Variants in NUP210 observed in about 807,000 individuals in gnomAD.
NUP210 encodes nuclear pore membrane glycoprotein 210.
In NUP210, 151 loss-of-function variants were observed where a neutral mutation model predicts 196.0. The observed-to-expected ratio is 0.77, with a 90% CI of 0.67 to 0.88. NUP210 has a LOEUF of 0.88. Among genes scored for constraint, NUP210 ranks in the 40% least tolerant of loss-of-function variants. The probability of loss-of-function intolerance (pLI) is 0.00; values close to 1 mark genes in which losing one functional copy is unlikely to be tolerated. For missense variants in NUP210, 2,314 were observed against 2,493.7 expected, an observed-to-expected ratio of 0.93 and a Z score of 1.53; for synonymous variants, 1,070 against 1,052.7, an observed-to-expected ratio of 1.02 and a Z score of -0.32.
intron 13 of NUP210, among the ~76,000 whole-genome samples, chr3:13,366,705 G>GTA (rs1698550594): frequency 6.6e-6 from 1 of 150,880 alleles, no homozygotes; most frequent in South Asian, 2.1e-4. Context: ...TTTTAGTAGA[G>GTA]ATGGGGTTTC....
intron 6 of NUP210, among the ~76,000 whole-genome samples, chr3:13,380,807 G>A (rs1699074814): frequency 6.6e-6 from 1 of 152,226 alleles, no homozygotes; most frequent in Admixed American, 6.5e-5. Context: ...CAGGGATTCT[G>A]ATGAGAATTC....
intron 1 of NUP210, among the ~76,000 whole-genome samples, chr3:13,403,089 T>C (rs532255498): frequency 6.6e-6 from 1 of 152,354 alleles, no homozygotes; most frequent in South Asian, 2.1e-4. Context: ...AAAGTCATAT[T>C]TTTAAGAAAA....
intron 3 of NUP210, among the ~76,000 whole-genome samples, chr3:13,392,463 C>G (rs570452198): frequency 3.3e-5 from 5 of 152,220 alleles, no homozygotes; most frequent in Non-Finnish European, 5.9e-5. Context: ...GGATTTTGAG[C>G]AAATGAAAAC....
At chr3:13,324,528 A>C (rs115349712) in intron 33 of NUP210, among the ~76,000 whole-genome samples, 2 of 152,082 alleles carry the variant, frequency 1.3e-5, no homozygotes, top group Non-Finnish European at 1.5e-5. Flanking sequence ...GACCAGTAGC[A>C]GCCTGGTCAT....
At position 13,335,577 on chromosome 3, in the gene NUP210, G is replaced by A; in HGVS notation, c.3720C>T (p.Ala1240=). Residue 1240 remains alanine (A), a synonymous_variant, in exon 28 of 40, where the codon GCC becomes GCT. Coordinates refer to ENST00000254508, the MANE Select transcript of NUP210 (RefSeq NM_024923.4). ...CTTTTACCCGGCCGAGCACGTTCATGGCAAAGTTGTACTGTGACGGGAGTC... is the reference window on the plus strand; with the variant it reads ...CTTTTACCCGGCCGAGCACGTTCATAGCAAAGTTGTACTGTGACGGGAGTC... ...SIRLPSQYNF[A]MNVLGRVKGR... 2.5e-6 allele frequency: 4 copies of A among 1,614,108 alleles called. No homozygotes were observed. Among genetic ancestry groups the A allele is most frequent in the Non-Finnish European group, 2.5e-6 (3 of 1,180,040 alleles).
chr3:13,406,941 G>A (rs1019641453), intron 1 of NUP210, among the ~76,000 whole-genome samples: 10 of 149,242 alleles, frequency 6.7e-5, no homozygotes, highest in Admixed American at 2.7e-4. Flanking sequence ...AGTAGCCCTC[G>A]GGGATGGGGA....
intron 20 of NUP210, among the ~76,000 whole-genome samples, chr3:13,344,657 C>T (rs1290449622): frequency 6.6e-6 from 1 of 152,240 alleles, no homozygotes; most frequent in Non-Finnish European, 1.5e-5. Context: ...TGAGAATGAG[C>T]TCAAAGCCTT....
chr3:13,348,504 G>GT lies in NUP210; in HGVS notation c.2835+3374dup. 1 of 985,420 alleles carries GT rather than the reference G, an allele frequency of 1.0e-6. No individual in the cohort carries two copies. Among genetic ancestry groups the GT allele is most frequent in the Non-Finnish European group, 1.2e-6 (1 of 829,922 alleles). The allele number at this position is 985,420 out of a possible 1,614,324, so 61.0% of individuals were successfully genotyped here. A position where few individuals can be genotyped will look rare whatever the true frequency, so the allele number is the denominator to read the frequency against. On this transcript the variant is annotated intron_variant, in intron 20 of 39. Transcript: ENST00000254508. The surrounding 1 kb of genome is among the most constrained non-coding windows in gnomAD (Gnocchi z 4.0). ...CTCCCCTCTTCTTGGTAATGGGGAA[G>GT]TTTTTATTAATTTCCAAAAATAAAC... is the stretch of plus-strand genomic sequence containing the variant.
intron 1 of NUP210, among the ~76,000 whole-genome samples, chr3:13,407,270 C>T (rs1342071652): frequency 2.0e-5 from 3 of 152,176 alleles, no homozygotes; most frequent in African/African-American, 7.2e-5. Flanking sequence ...AGGAGAAAAG[C>T]TGGGCGCAGT....
In NUP210 at chr3:13,340,400, T is replaced by C; in HGVS notation, c.3229-102A>G. On this transcript the variant is annotated intron_variant, in intron 23 of 39. Coordinates refer to ENST00000254508, the MANE Select transcript of NUP210 (RefSeq NM_024923.4). The surrounding 1 kb of genome is among the most constrained non-coding windows in gnomAD (Gnocchi z 4.0). ...TTTCATGAGAGGAAAACCTGGGACA[T>C]GGACATCACTTCTCTCTGAGCAGTG... 2 of 999,282 alleles carry C rather than the reference T, an allele frequency of 2.0e-6. No homozygotes were observed. Among genetic ancestry groups the C allele is most frequent in the Non-Finnish European group, 3.1e-6 (2 of 645,204 alleles). 61.9% of individuals were successfully genotyped at this position (999,282 alleles called of 1,614,324 possible). A position where few individuals can be genotyped will look rare whatever the true frequency, so the allele number is the denominator to read the frequency against.
intron 25 of NUP210, 80 bp downstream of exon 25, chr3:13,339,774 C>T (rs1048930486): frequency 2.3e-5 from 30 of 1,322,160 alleles, no homozygotes; most frequent in Non-Finnish European, 3.2e-5. Context: ...AGGGGTGGTC[C>T]TCAGAGGTAG....
At chr3:13,362,892 T>G (rs1354693055) in intron 14 of NUP210, among the ~76,000 whole-genome samples, 1 of 152,202 alleles carries the variant, frequency 6.6e-6, no homozygotes, top group Admixed American at 6.5e-5. Context: ...CTGCTGAGCC[T>G]GTCTGAAGCA....
At chr3:13,392,753 G>A (rs1052633669) in intron 3 of NUP210, among the ~76,000 whole-genome samples, 1 of 152,246 alleles carries the variant, frequency 6.6e-6, no homozygotes, top group African/African-American at 2.4e-5. Flanking sequence ...GGGTGCATAT[G>A]GAGTACTGCT....
chr3:13,365,680 G>A (rs1698506270), intron 14 of NUP210, among the ~76,000 whole-genome samples: 1 of 152,224 alleles, frequency 6.6e-6, no homozygotes, highest in Non-Finnish European at 1.5e-5. Context: ...TTCGTTGGGA[G>A]AGGCTGGCAG....
intron 14 of NUP210, among the ~76,000 whole-genome samples, chr3:13,364,914 A>T (rs951602725): frequency 6.6e-6 from 1 of 152,214 alleles, no homozygotes; most frequent in African/African-American, 2.4e-5. Context: ...GAGGAAGAAA[A>T]AAATGGGACA....
rs1697841540 is a variant in NUP210 at position 13,348,584 on chromosome 3, G to A, written c.2835+3295C>T. The A allele has an allele frequency of 1.0e-6, 1 of 985,228 alleles. No homozygotes were observed. The highest frequency in any genetic ancestry group is 1.2e-6 in the Non-Finnish European group (1 of 829,764). 61.0% of individuals were successfully genotyped at this position (985,228 alleles called of 1,614,324 possible). A position where few individuals can be genotyped will look rare whatever the true frequency, so the allele number is the denominator to read the frequency against. On this transcript the variant is annotated intron_variant, in intron 20 of 39. Transcript: ENST00000254508. This position sits in a 1 kb window ranked among gnomAD's most constrained non-coding sequence, Gnocchi z 4.0. Reference sequence around the variant, plus strand: ...TTAAGATGTAAGATTCTCTTCACTCGCATGGCTGGAGGAAGAGCTGGGGAA... The same window carrying A: ...TTAAGATGTAAGATTCTCTTCACTCACATGGCTGGAGGAAGAGCTGGGGAA...
rs1166672351 is a variant in NUP210 at position 13,321,973 on chromosome 3, C to T, written c.4916-138G>A. 4 of 1,298,966 alleles carry T rather than the reference C, an allele frequency of 3.1e-6. No individual in the cohort carries two copies. The Admixed American group carries it at 8.1e-5, about 26-fold the overall frequency. 80.5% of individuals were successfully genotyped at this position (1,298,966 alleles called of 1,614,324 possible). Reference sequence around the variant, plus strand: ...TGAGAAGTCACCTCCTCCAGGAGTCCTCCTGGGAATCCCCTATAAAGGCCT... The same window carrying T: ...TGAGAAGTCACCTCCTCCAGGAGTCTTCCTGGGAATCCCCTATAAAGGCCT... On this transcript the variant is annotated intron_variant, in intron 35 of 39. Coordinates refer to ENST00000254508, the MANE Select transcript of NUP210 (RefSeq NM_024923.4).
intron 1 of NUP210, among the ~76,000 whole-genome samples, chr3:13,408,345 T>A (rs1700062293): frequency 6.6e-6 from 1 of 152,104 alleles, no homozygotes; most frequent in South Asian, 2.1e-4. Context: ...TGGTTTGCAA[T>A]GGGTGTAATG....
chr3:13,377,374 G>T, intron 9 of NUP210, 82 bp downstream of exon 9: 1 of 983,684 alleles, frequency 1.0e-6, no homozygotes, highest in South Asian at 1.4e-5. Context: ...GGCTCCTGTT[G>T]CTTTGGGGGC....
Sources: allele counts gnomAD v4.1 joint callset (sites outside exome capture counted in the v4.1 genomes callset), GRCh38; gene constraint gnomAD v4.1.1; non-coding constraint Gnocchi (gnomAD v3.1); transcripts MANE v1.5; gene names NCBI Gene and HGNC (gene_info 2026-07-23, HGNC 2026-07-21).